DLG2: variants seen among roughly 807,000 people sequenced by gnomAD.
The protein encoded by DLG2 is discs large MAGUK scaffold protein 2, also known as disks large homolog 2.
Under a neutral mutation model 132.5 loss-of-function variants are expected in DLG2, and 45 were observed. The observed-to-expected ratio is 0.34, with a 90% CI of 0.27 to 0.44. The LOEUF is 0.44. Ranked by LOEUF, DLG2 falls within the 20% of genes least tolerant of loss-of-function variation. The pLI, the probability that DLG2 is intolerant of heterozygous loss-of-function variation, is 1.00. For synonymous variants in DLG2, 424 were observed against 419.6 expected (o/e 1.01, Z -0.13); for missense variants, 1,045 against 1,196.9 (o/e 0.87, Z 1.87).
intron 3 of DLG2, among the ~76,000 whole-genome samples, chr11:85,290,351 T>C (rs1335834553): frequency 6.6e-6 from 1 of 152,044 alleles, no homozygotes; most frequent in South Asian, 2.1e-4. Flanking sequence ...TACACAAAAA[T>C]TTCCTGGGGA....
intron 3 of DLG2, among the ~76,000 whole-genome samples, chr11:85,595,571 G>C (rs2079689993): frequency 6.6e-6 from 1 of 151,932 alleles, no homozygotes; most frequent in African/African-American, 2.4e-5. Context: ...GCACACTAAT[G>C]AACACCAATT....
chr11:84,964,505 T>C (rs940412435), intron 6 of DLG2, among the ~76,000 whole-genome samples: 1 of 152,128 alleles, frequency 6.6e-6, no homozygotes, highest in Non-Finnish European at 1.5e-5. Context: ...CCCCAAAATA[T>C]TCATTTCTAA....
chr11:85,339,506 C>G lies in DLG2; in HGVS notation c.41-54141G>C, dbSNP rs544460574. ...ATATATGAAAATTTCTGTTTCTGCA[C>G]AGCCTTGCAAATAGAATGTGTTATA... On this transcript the variant is annotated intron_variant, in intron 3 of 27. Coordinates refer to ENST00000376104, the MANE Select transcript of DLG2 (RefSeq NM_001142699.3). 2.0e-5 allele frequency among the ~76,000 whole-genome samples: 3 copies of G among 152,206 alleles called. No individual in the cohort carries two copies. The East Asian group carries it at 5.8e-4, about 29-fold the overall frequency.
intron 6 of DLG2, among the ~76,000 whole-genome samples, chr11:84,884,612 A>G (rs10082623): frequency 0.42 from 64,424 of 151,744 alleles, 14,123 homozygotes; most frequent in Middle Eastern, 0.44. Flanking sequence ...ATTTTTAGTG[A>G]GAGTTTTTAA....
chr11:85,509,283 G>A (rs1267752699), intron 3 of DLG2, among the ~76,000 whole-genome samples: 1 of 152,052 alleles, frequency 6.6e-6, no homozygotes, highest in Non-Finnish European at 1.5e-5. Context: ...ACTACTGCAT[G>A]TAAAATAAAC....
intron 6 of DLG2, among the ~76,000 whole-genome samples, chr11:84,767,726 G>A (rs2068640449): frequency 6.6e-6 from 1 of 151,984 alleles, no homozygotes; most frequent in Non-Finnish European, 1.5e-5. Context: ...AAGGCTGAAT[G>A]TGAAAAGAGA....
Position 83,752,540 on chromosome 11 carries a change from C to T in DLG2, c.1825+34150G>A, listed in dbSNP as rs574207696. Among the ~76,000 whole-genome samples, 11 of 152,236 alleles carry T rather than the reference C, an allele frequency of 7.2e-5. No homozygotes were observed. The South Asian group carries it at 2.1e-3, about 29-fold the overall frequency. ...GTGACAATGGAGATCATTTGCAACA[C>T]TGAGAATAAAAATTTTGGTGAGTGG... On this transcript the variant is annotated intron_variant, in intron 18 of 27. Transcript: ENST00000376104.
chr11:85,541,468 A>AT (rs1325064232), intron 3 of DLG2, among the ~76,000 whole-genome samples: 2 of 150,988 alleles, frequency 1.3e-5, no homozygotes, highest in Non-Finnish European at 3.0e-5. Flanking sequence ...AATGAGTATT[A>AT]TTATTTATGA....
intron 2 of DLG2, among the ~76,000 whole-genome samples, chr11:85,600,917 G>A (rs1174427750): frequency 6.6e-6 from 1 of 152,074 alleles, no homozygotes; most frequent in Admixed American, 6.6e-5. Flanking sequence ...AATAAATCAA[G>A]CCCAAATTTG....
At chr11:84,731,899 G>A (rs139141657) in intron 6 of DLG2, among the ~76,000 whole-genome samples, 68 of 151,934 alleles carry the variant, frequency 4.5e-4, no homozygotes, top group East Asian at 1.4e-3. Context: ...ACCTTCAAAC[G>A]TTTCCACGTG....
chr11:85,440,859 C>A (rs187480903), intron 3 of DLG2, among the ~76,000 whole-genome samples: 2 of 152,074 alleles, frequency 1.3e-5, no homozygotes, highest in Non-Finnish European at 2.9e-5. Context: ...GGGGCCTAGG[C>A]AACCCTATGA....
intron 6 of DLG2, among the ~76,000 whole-genome samples, chr11:84,689,962 ACATG>A (rs1480721049): frequency 6.6e-6 from 1 of 152,066 alleles, no homozygotes; most frequent in Non-Finnish European, 1.5e-5. Flanking sequence ...AAATGCTACA[ACATG>A]GGTGAACCTG....
At chr11:85,499,924 C>G (rs1008906180) in intron 3 of DLG2, among the ~76,000 whole-genome samples, 2 of 152,154 alleles carry the variant, frequency 1.3e-5, no homozygotes, top group Admixed American at 1.3e-4. Context: ...TCCCAATAAA[C>G]TAGGTATCAA....
At chr11:84,859,473 C>G (rs34391330) in intron 6 of DLG2, among the ~76,000 whole-genome samples, 10,141 of 143,814 alleles carry the variant, frequency 0.071, 513 homozygotes, top group Non-Finnish European at 0.11. Context: ...TATATATCCT[C>G]CTATTGGGTT....
chr11:84,865,025 G>A (rs1201131698), intron 6 of DLG2, among the ~76,000 whole-genome samples: 3 of 152,094 alleles, frequency 2.0e-5, no homozygotes, highest in Admixed American at 1.3e-4. Flanking sequence ...AGAAAAATCT[G>A]ACTAAAGATC....
intron 3 of DLG2, among the ~76,000 whole-genome samples, chr11:85,343,679 CATAT>C: frequency 6.6e-6 from 1 of 152,092 alleles, no homozygotes; most frequent in East Asian, 1.9e-4. Context: ...CACACACACA[CATAT>C]ACACACTAGA....
intron 6 of DLG2, among the ~76,000 whole-genome samples, chr11:84,820,748 C>T (rs992787003): frequency 6.6e-5 from 10 of 151,092 alleles, no homozygotes; most frequent in Non-Finnish European, 1.0e-4. Flanking sequence ...TTTGAGAAGC[C>T]GAGCCCCACT....
intron 5 of DLG2, among the ~76,000 whole-genome samples, chr11:85,149,347 C>T (rs1318376972): frequency 6.6e-6 from 1 of 152,118 alleles, no homozygotes; most frequent in Non-Finnish European, 1.5e-5. Context: ...AGCAGTATGG[C>T]CATTTTCATG....
intron 6 of DLG2, among the ~76,000 whole-genome samples, chr11:84,880,263 A>G (rs2087084541): frequency 6.6e-6 from 1 of 152,138 alleles, no homozygotes; most frequent in Non-Finnish European, 1.5e-5. Flanking sequence ...TCCCCTGCCT[A>G]CAAAACAGAG....
Sources: allele counts gnomAD v4.1 joint callset (sites outside exome capture counted in the v4.1 genomes callset), GRCh38; gene constraint gnomAD v4.1.1; transcripts MANE v1.5; gene names NCBI Gene and HGNC (gene_info 2026-07-23, HGNC 2026-07-21).